SDHA: variants seen among roughly 807,000 people sequenced by gnomAD.
SDHA encodes the protein succinate dehydrogenase complex flavoprotein subunit A, also known as succinate dehydrogenase [ubiquinone] flavoprotein subunit, mitochondrial.
SDHA carries 48 observed loss-of-function variants against 78.4 expected under a neutral mutation model. The ratio of observed to expected loss-of-function variants is 0.61; its 90% CI spans 0.49 to 0.78. SDHA has a LOEUF of 0.78. Among genes scored for constraint, SDHA ranks in the 30% least tolerant of loss-of-function variants. SDHA has a pLI of 0.00. For synonymous variants in SDHA, 326 were observed against 353.9 expected, an observed-to-expected ratio of 0.92 and a Z score of 0.88; for missense variants, 680 against 892.7, an observed-to-expected ratio of 0.76 and a Z score of 3.04.
rs1436777353 is a variant in SDHA at position 228,251 on chromosome 5, G to C, written c.688G>C (p.Glu230Gln). The part of the protein sequence containing the change: ...FALDLLMENG[E>Q]CRGVIALCIE... ...CTTGGATCTCCTGATGGAGAATGGG[G>C]AGTGCCGTGGTGTCATCGCACTGTG... The change falls in exon 6 of 15, where the codon GAG (glutamate) becomes CAG (glutamine). Residue 230 changes from glutamate (E) to glutamine (Q), a missense_variant. Glu to Gln is a conservative substitution (Grantham distance 29). Coordinates refer to ENST00000264932, the MANE Select transcript of SDHA (RefSeq NM_004168.4). 1 of 1,613,730 alleles carries C rather than the reference G, an allele frequency of 6.2e-7. No homozygotes were observed.
intron 13 of SDHA, among the ~76,000 whole-genome samples, chr5:253,921 G>A (rs1471802725): frequency 3.3e-5 from 5 of 152,276 alleles, no homozygotes; most frequent in African/African-American, 1.2e-4. Flanking sequence ...TGAGCCAGGT[G>A]TGGTGGTAGC....
rs1035129609 is a variant in SDHA, at chr5:256,818, TTTTTCTTTTC to T, written c.*403_*412del. On this transcript the variant is annotated 3_prime_UTR_variant, in exon 15 of 15. Coordinates refer to ENST00000264932, the MANE Select transcript of SDHA (RefSeq NM_004168.4). ...GATATTTTGTATAGTTTCTTTTTTC[TTTTTCTTTTC>T]TTTTTTTTTTTTGAGACAGGATCGG... 1.2e-5 allele frequency: 3 copies of T among 259,152 alleles called. No individual in the cohort carries two copies. Among genetic ancestry groups the T allele is most frequent in the African/African-American group, 9.3e-5 (3 of 32,266 alleles). The allele number at this position is 259,152 out of a possible 1,614,324, so 16.1% of individuals were successfully genotyped here.
At position 224,408 on chromosome 5, in the gene SDHA, G is replaced by A. The variant is rs754770189; in HGVS notation, c.199G>A (p.Val67Ile). The change falls in exon 3 of 15, where the codon GTA becomes ATA. Residue 67 changes from valine (V) to isoleucine (I), a missense_variant. Val to Ile is a conservative substitution (Grantham distance 29). Coordinates refer to ENST00000264932, the MANE Select transcript of SDHA (RefSeq NM_004168.4). Reference protein sequence around the residue: ...VVDHEFDAVVVGAGGAGLRAA... With the variant: ...VVDHEFDAVVIGAGGAGLRAA... ...GGATCATGAATTTGATGCAGTGGTG[G>A]TAGGCGCTGGAGGGGCAGGCTTGCG... 2.5e-6 allele frequency: 4 copies of A among 1,613,716 alleles called. No individual in the cohort carries two copies. Among genetic ancestry groups the A allele is most frequent in the Non-Finnish European group, 3.4e-6 (4 of 1,179,836 alleles).
chr5:225,178 G>C (rs188831955), intron 3 of SDHA, among the ~76,000 whole-genome samples: 1,605 of 152,134 alleles, frequency 0.011, 29 homozygotes, highest in African/African-American at 0.036. Flanking sequence ...GGAGTTCCCT[G>C]TGTCTCCACC....
chr5:254,794 T>C (rs1382111636), intron 14 of SDHA, among the ~76,000 whole-genome samples: 3 of 151,638 alleles, frequency 2.0e-5, no homozygotes, highest in South Asian at 2.1e-4. Context: ...GGCCTGGTGG[T>C]AGGGGAGGAG....
At chr5:231,559 CAAAAAAAAAA>C (rs56152705) in intron 7 of SDHA, among the ~76,000 whole-genome samples, 1 of 99,192 alleles carries the variant, frequency 1.0e-5, no homozygotes, top group African/African-American at 3.1e-5. Flanking sequence ...GACTCCGTCT[CAAAAAAAAAA>C]AAAAAAAAAG....
chr5:233,073 T>C (rs9312984), intron 7 of SDHA, among the ~76,000 whole-genome samples: 112,703 of 152,188 alleles, frequency 0.74, 42,248 homozygotes, highest in African/African-American at 0.78. Flanking sequence ...ACTGTCCTTG[T>C]CACTGTTTGG....
chr5:222,359 T>G (rs1303137683), intron 1 of SDHA, among the ~76,000 whole-genome samples: 1 of 151,126 alleles, frequency 6.6e-6, no homozygotes, highest in Non-Finnish European at 1.5e-5. Context: ...TCTTTTTTTT[T>G]TTTTTGGAGA....
intron 11 of SDHA, among the ~76,000 whole-genome samples, chr5:243,022 C>T (rs560009303): frequency 1.3e-5 from 2 of 152,216 alleles, no homozygotes; most frequent in South Asian, 2.1e-4. Context: ...TCTTTCTTTT[C>T]CAGAGGACAG....
downstream of SDHA, among the ~76,000 whole-genome samples, chr5:259,050 T>C (rs1383923455): frequency 8.5e-5 from 4 of 47,158 alleles, no homozygotes; most frequent in Admixed American, 4.0e-4. Flanking sequence ...GAGCTCCGCC[T>C]CCCGCCACAG....
In SDHA at chr5:219,071, G is replaced by A. The variant is rs575976790; in HGVS notation, c.63+653G>A. ...AAGTTAAGGGCTTCTACTTTGGGTC[G>A]TGTTTGGTGGTCCTTATGCCACCAA... On this transcript the variant is annotated intron_variant, in intron 1 of 14. Coordinates refer to ENST00000264932, the MANE Select transcript of SDHA (RefSeq NM_004168.4). Among the ~76,000 whole-genome samples, 53 of 152,404 alleles carry A rather than the reference G, an allele frequency of 3.5e-4. 1 individual carries two copies. The highest frequency in any genetic ancestry group is 1.0e-3 in the African/African-American group (42 of 41,608).
chr5:266,819 C>T, the SDHA span, among the ~76,000 whole-genome samples: 108 of 127,508 alleles, frequency 8.5e-4, 2 homozygotes, highest in Admixed American at 1.6e-3. Context: ...ACACGGTGGC[C>T]GCTGTCTGTA....
Position 256,541 on chromosome 5 carries a change from G to C in SDHA, c.*121G>C. ...CACTCTGGGGAAGAAGGAGTACATT[G>C]AAGGGAGATTGGCACCTAGTGGCTG... On this transcript the variant is annotated 3_prime_UTR_variant, in exon 15 of 15. Transcript: ENST00000264932. 1 of 916,106 alleles carries C rather than the reference G, an allele frequency of 1.1e-6. No individual in the cohort carries two copies. The highest frequency in any genetic ancestry group is 1.8e-6 in the Non-Finnish European group (1 of 564,308). 56.7% of individuals were successfully genotyped at this position (916,106 alleles called of 1,614,324 possible).
the SDHA span, among the ~76,000 whole-genome samples, chr5:268,228 G>C: frequency 6.6e-6 from 1 of 151,388 alleles, no homozygotes; most frequent in Non-Finnish European, 1.5e-5. Flanking sequence ...CTGTTGCCCA[G>C]GCTGGAGTGC....
chr5:255,614 T>C (rs1054040940), intron 14 of SDHA, among the ~76,000 whole-genome samples: 1 of 152,062 alleles, frequency 6.6e-6, no homozygotes, highest in Admixed American at 6.6e-5. Flanking sequence ...GGCTAATTTT[T>C]ATATGTTTTG....
intron 1 of SDHA, among the ~76,000 whole-genome samples, chr5:219,129 G>A (rs1163226507): frequency 6.6e-6 from 1 of 152,256 alleles, no homozygotes; most frequent in East Asian, 1.9e-4. Context: ...AGCTGTGCCA[G>A]TTTTTAAAAC....
the SDHA span, among the ~76,000 whole-genome samples, chr5:266,473 G>C: frequency 0.24 from 36,431 of 151,862 alleles, 6,812 homozygotes; most frequent in African/African-American, 0.52. Context: ...CCACTGGGCA[G>C]TGGGTGGTCT....
rs1737211957 is a variant in SDHA at position 256,584 on chromosome 5, C to T, written c.*164C>T. 4 of 693,274 alleles carry T rather than the reference C, an allele frequency of 5.8e-6. No homozygotes were observed. Among genetic ancestry groups the T allele is most frequent in the Middle Eastern group, 3.7e-4 (1 of 2,698 alleles). The allele number at this position is 693,274 out of a possible 1,614,324, so 42.9% of individuals were successfully genotyped here. A position where few individuals can be genotyped will look rare whatever the true frequency, so the allele number is the denominator to read the frequency against. ...AGTGGCTGGGAGCTTGCCAGGAACCCAGTGGCCAGGGAGCGTGGCACTTAC... is the reference window on the plus strand; with the variant it reads ...AGTGGCTGGGAGCTTGCCAGGAACCTAGTGGCCAGGGAGCGTGGCACTTAC... On this transcript the variant is annotated 3_prime_UTR_variant, in exon 15 of 15. Coordinates refer to ENST00000264932, the MANE Select transcript of SDHA (RefSeq NM_004168.4).
At position 235,189 on chromosome 5, in the gene SDHA, C is replaced by A; in HGVS notation, c.1110C>A (p.His370Gln). ...EKDHVYLQLH[H>Q]LPPEQLATRL... Reference sequence around the variant, plus strand: ...ATCACGTCTACCTGCAGCTGCACCACCTACCTCCAGAGCAGCTGGCCACGC... The same window carrying A: ...ATCACGTCTACCTGCAGCTGCACCAACTACCTCCAGAGCAGCTGGCCACGC... Residue 370 changes from histidine to glutamine, a missense_variant, in exon 9 of 15, where the codon CAC (histidine) becomes CAA (glutamine). His to Gln is a conservative substitution (Grantham distance 24). Coordinates refer to ENST00000264932, the MANE Select transcript of SDHA (RefSeq NM_004168.4). 1 of 1,614,014 alleles carries A rather than the reference C, an allele frequency of 6.2e-7. No individual in the cohort carries two copies.
Sources: gnomAD v4.1 joint callset for allele counts (sites outside exome capture counted in the v4.1 genomes callset) on GRCh38, gnomAD v4.1.1 for gene constraint, MANE v1.5 for transcripts, NCBI Gene and HGNC (gene_info 2026-07-23, HGNC 2026-07-21) for gene names.